ESRRG: variants seen among roughly 807,000 people sequenced by gnomAD.
The protein encoded by ESRRG is estrogen-related receptor gamma.
A neutral mutation model predicts 44.0 loss-of-function variants in ESRRG; 13 were observed. The observed-to-expected ratio is 0.30, with a 90% CI of 0.19 to 0.47. ESRRG has a LOEUF of 0.47. ESRRG is among the 20% of genes least tolerant of loss of function. The probability of loss-of-function intolerance (pLI) is 1.00; values close to 1 mark genes in which losing one functional copy is unlikely to be tolerated. For missense variants in ESRRG, 395 were observed against 580.6 expected (o/e 0.68, Z 3.29); for synonymous variants, 215 against 214.6 (o/e 1.00, Z -0.02).
Position 216,582,872 on chromosome 1 carries a change from A to T in ESRRG, c.590-14774T>A, listed in dbSNP as rs548099340. On this transcript the variant is annotated intron_variant, in intron 3 of 6. Coordinates refer to ENST00000408911, the MANE Select transcript of ESRRG (RefSeq NM_001438.4). ...TGCTTTTTGGAACAGTCTAGGAGGA[A>T]TTCGGTTTTAATAGTGCTTTCTTAG... is the stretch of plus-strand genomic sequence containing the variant. 7.9e-5 allele frequency among the ~76,000 whole-genome samples: 12 copies of T among 152,306 alleles called. No individual in the cohort carries two copies. The South Asian group carries it at 2.3e-3, about 29-fold the overall frequency.
chr1:216,709,643 T>G (rs1256099250), intron 1 of ESRRG, among the ~76,000 whole-genome samples: 1 of 151,988 alleles, frequency 6.6e-6, no homozygotes, highest in East Asian at 1.9e-4. Flanking sequence ...ACCCCTTTAT[T>G]AACTATGATT....
Position 217,054,636 on chromosome 1 carries a change from G to T in ESRRG, c.-106+34871C>A, listed in dbSNP as rs151146772. ...CCTGGGACTAGATCTTGCCACAACT[G>T]TGTCTATTTAGGTTGTAATGACCTG... On this transcript the variant is annotated intron_variant, in intron 1 of 7. Transcript: ENST00000359162. Among the ~76,000 whole-genome samples, 815 of 152,260 alleles carry T rather than the reference G, an allele frequency of 5.4e-3. 10 individuals are homozygous for T. Among genetic ancestry groups the T allele is most frequent in the African/African-American group, 0.018 (750 of 41,556 alleles).
At chr1:217,052,171 A>T (rs547638662) in intron 1 of ESRRG, among the ~76,000 whole-genome samples, 6 of 152,348 alleles carry the variant, frequency 3.9e-5, no homozygotes, top group African/African-American at 1.4e-4. Context: ...TGATTTCAAG[A>T]TGTAGAGGAA....
chr1:217,001,617 C>G (rs1486315223), intron 1 of ESRRG, among the ~76,000 whole-genome samples: 1 of 152,062 alleles, frequency 6.6e-6, no homozygotes, highest in Non-Finnish European at 1.5e-5. Flanking sequence ...GAGGAAACAG[C>G]CAATGCAAAA....
chr1:217,018,613 A>G (rs2150889594), intron 1 of ESRRG, among the ~76,000 whole-genome samples: 1 of 152,238 alleles, frequency 6.6e-6, no homozygotes, highest in Non-Finnish European at 1.5e-5. Context: ...TGAATATACA[A>G]TTTCACAGTG....
chr1:216,513,089 A>G (rs531589377), intron 6 of ESRRG, among the ~76,000 whole-genome samples: 1 of 152,286 alleles, frequency 6.6e-6, no homozygotes, highest in South Asian at 2.1e-4. Flanking sequence ...GAGAATAAAT[A>G]TGTGTCATTT....
At position 216,687,367 on chromosome 1, in the gene ESRRG, G is replaced by A. The variant is rs116053954; in HGVS notation, c.57-9876C>T. Among the ~76,000 whole-genome samples the A allele has an allele frequency of 6.5e-3, 994 of 152,232 alleles. 11 individuals carry two copies. The highest frequency in any genetic ancestry group is 0.022 in the African/African-American group (933 of 41,520). ...CGACACCACGCTGTCAGCAAGCAGC[G>A]GGGAGCTGTTGAGTTGTTACTACAT... On this transcript the variant is annotated intron_variant, in intron 1 of 6. Coordinates refer to ENST00000408911, the MANE Select transcript of ESRRG (RefSeq NM_001438.4).
At chr1:216,546,259 C>T (rs892828727) in intron 5 of ESRRG, among the ~76,000 whole-genome samples, 3 of 152,040 alleles carry the variant, frequency 2.0e-5, no homozygotes, top group African/African-American at 7.2e-5. Context: ...GTGTCAACTA[C>T]TGGCTTGTGA....
chr1:216,553,803 A>T (rs2056944071), intron 5 of ESRRG, among the ~76,000 whole-genome samples: 1 of 152,004 alleles, frequency 6.6e-6, no homozygotes. Context: ...CATTCCTGAC[A>T]CTCGCTATAG....
At chr1:216,810,561 T>G (rs906821297) in intron 2 of ESRRG, among the ~76,000 whole-genome samples, 3 of 147,510 alleles carry the variant, frequency 2.0e-5, no homozygotes. Context: ...GAAGGCAGAA[T>G]ATATATATTA....
intron 1 of ESRRG, among the ~76,000 whole-genome samples, chr1:216,689,771 G>A (rs1359512606): frequency 6.6e-6 from 1 of 151,996 alleles, no homozygotes; most frequent in Non-Finnish European, 1.5e-5. Context: ...ATCAATGGAT[G>A]TCATAAACAA....
chr1:216,507,090 T>G lies in ESRRG; in HGVS notation c.1226A>C (p.Glu409Ala). The change falls in exon 7 of 7, where the codon GAA becomes GCA. Residue 409 changes from glutamate to alanine, a missense_variant. This residue lies in a region of ESRRG where 167 missense variants were observed against 251.8 expected (regional missense o/e 0.66). Coordinates refer to ENST00000408911, the MANE Select transcript of ESRRG (RefSeq NM_001438.4). ...CATCTTGCCAGCTCGACGAGGGTCT[T>G]CCATGTGCTGGCCAGCTTCATAATC... Reference protein sequence around the residue: ...LQDYEAGQHMEDPRRAGKMLM... With the variant: ...LQDYEAGQHMADPRRAGKMLM... 2 of 1,614,090 alleles carry G rather than the reference T, an allele frequency of 1.2e-6. No homozygotes were observed. The highest frequency in any genetic ancestry group is 8.5e-7 in the Non-Finnish European group (1 of 1,180,024).
intron 1 of ESRRG, among the ~76,000 whole-genome samples, chr1:216,694,398 T>C (rs1559266462): frequency 2.0e-5 from 3 of 152,140 alleles, no homozygotes; most frequent in South Asian, 2.1e-4. Flanking sequence ...CAGAAGTCCA[T>C]TGGGGCCAGA....
intron 1 of ESRRG, among the ~76,000 whole-genome samples, chr1:216,997,462 C>T (rs1015769019): frequency 6.6e-6 from 1 of 152,174 alleles, no homozygotes; most frequent in African/African-American, 2.4e-5. Context: ...TTCCCTTTGC[C>T]CATGAGGGAG....
rs187654366 is a variant in ESRRG, at chr1:216,995,323, G to C, written c.-105-55650C>G. Among the ~76,000 whole-genome samples, 3 of 152,242 alleles carry C rather than the reference G, an allele frequency of 2.0e-5. No individual in the cohort carries two copies. The East Asian group carries it at 5.8e-4, about 29-fold the overall frequency. On this transcript the variant is annotated intron_variant, in intron 1 of 7. Transcript: ENST00000359162. ...TCCTCACTGTCCGTTGCCTATCTGT[G>C]GTTTTCCTCCATTCATTCTCCATGA...
intron 2 of ESRRG, among the ~76,000 whole-genome samples, chr1:216,803,333 CT>C (rs2094683430): frequency 6.6e-6 from 1 of 152,094 alleles, no homozygotes; most frequent in Non-Finnish European, 1.5e-5. Context: ...TGATTTCCCC[CT>C]GCAAACCTCC....
At chr1:216,717,671 C>T (rs1333987442) in intron 1 of ESRRG, among the ~76,000 whole-genome samples, 1 of 151,764 alleles carries the variant, frequency 6.6e-6, no homozygotes, top group African/African-American at 2.4e-5. Flanking sequence ...TCTCAACAGT[C>T]ATTTACTAAG....
At chr1:217,092,169 C>T (rs573015291), upstream of ESRRG, among the ~76,000 whole-genome samples, 56 of 152,280 alleles carry the variant, frequency 3.7e-4, no homozygotes, top group African/African-American at 1.3e-3. Context: ...GCCTAGGAAC[C>T]GCTCTCTGTT....
intron 1 of ESRRG, among the ~76,000 whole-genome samples, chr1:216,696,703 AC>A (rs1214058729): frequency 6.6e-6 from 1 of 152,116 alleles, no homozygotes; most frequent in Non-Finnish European, 1.5e-5. Flanking sequence ...CTTATTTCAC[AC>A]CATGGAAAAC....
Sources: gnomAD v4.1 joint callset for allele counts (sites outside exome capture counted in the v4.1 genomes callset) on GRCh38, gnomAD v4.1.1 for gene constraint, gnomAD v4.1.1 regional missense constraint, MANE v1.5 for transcripts, NCBI Gene and HGNC (gene_info 2026-07-23, HGNC 2026-07-21) for gene names.